Variants in ZNF565 observed in about 807,000 individuals in gnomAD.
ZNF565 encodes the protein zinc finger protein 565.
A neutral mutation model predicts 39.4 loss-of-function variants in ZNF565; 27 were observed. The observed-to-expected ratio is 0.69, with a 90% confidence interval of 0.51 to 0.95. The LOEUF is 0.95. Among genes scored for constraint, ZNF565 ranks in the 40% least tolerant of loss-of-function variants. The pLI is 0.00. For synonymous variants in ZNF565, 185 were observed against 216.6 expected, an observed-to-expected ratio of 0.85 and a Z score of 1.28; for missense variants, 524 against 621.1, an observed-to-expected ratio of 0.84 and a Z score of 1.66.
chr19:36,187,229 T>C (rs1568410833), intron 4 of ZNF565, among the ~76,000 whole-genome samples: 2 of 152,032 alleles, frequency 1.3e-5, no homozygotes, highest in Non-Finnish European at 2.9e-5. Context: ...GAAATCATCA[T>C]TTTGGGTTAA....
intron 1 of ZNF565, chr19:36,238,464 T>C (rs1012415333): frequency 6.0e-6 from 1 of 167,102 alleles, no homozygotes; most frequent in Non-Finnish European, 1.5e-5. Flanking sequence ...AAACATCCAC[T>C]TCTCTTTCAA....
intron 1 of ZNF565, among the ~76,000 whole-genome samples, chr19:36,204,067 G>T (rs981805813): frequency 6.7e-6 from 1 of 148,696 alleles, no homozygotes; most frequent in Admixed American, 6.8e-5. Flanking sequence ...CTTCCACCTC[G>T]GCCTCCCAAG....
intron 1 of ZNF565, among the ~76,000 whole-genome samples, chr19:36,232,539 G>T (rs759498499): frequency 1.3e-5 from 2 of 151,648 alleles, no homozygotes; most frequent in Non-Finnish European, 2.9e-5. Flanking sequence ...GTTTGAGAAC[G>T]CATGAGTTGC....
At chr19:36,210,918 A>G (rs1468550788) in intron 1 of ZNF565, among the ~76,000 whole-genome samples, 1 of 152,126 alleles carries the variant, frequency 6.6e-6, no homozygotes, top group African/African-American at 2.4e-5. Context: ...AATAATAAAA[A>G]TAGTAAATAA....
intron 4 of ZNF565, among the ~76,000 whole-genome samples, chr19:36,189,856 G>C (rs1975461322): frequency 6.6e-6 from 1 of 151,962 alleles, no homozygotes; most frequent in Admixed American, 6.6e-5. Flanking sequence ...TTGAGATGGA[G>C]TCTTGTTCTG....
intron 1 of ZNF565, among the ~76,000 whole-genome samples, chr19:36,229,266 C>T (rs1407084589): frequency 6.6e-6 from 1 of 152,226 alleles, no homozygotes; most frequent in African/African-American, 2.4e-5. Flanking sequence ...GTTGTCTTCT[C>T]ACTCATCTCT....
At chr19:36,205,941 G>A (rs1455026025) in intron 1 of ZNF565, among the ~76,000 whole-genome samples, 3 of 151,456 alleles carry the variant, frequency 2.0e-5, no homozygotes, top group Admixed American at 6.6e-5. Flanking sequence ...CCCTGTCCCA[G>A]TTGATCTCAC....
At chr19:36,208,937 A>T (rs985960721) in intron 1 of ZNF565, among the ~76,000 whole-genome samples, 2 of 152,006 alleles carry the variant, frequency 1.3e-5, no homozygotes, top group Non-Finnish European at 2.9e-5. Flanking sequence ...GACTCAAGAG[A>T]TTCTCCTACC....
Position 36,199,128 on chromosome 19 carries a change from C to T in ZNF565, c.9+2849G>A, listed in dbSNP as rs115822056. On this transcript the variant is annotated intron_variant, in intron 2 of 4. Transcript: ENST00000304116. ...TGTAAAATCTTCAGGGTTTATTATACGCTTGCTAATATTCACATTCCTTCA... is the reference window on the plus strand; with the variant it reads ...TGTAAAATCTTCAGGGTTTATTATATGCTTGCTAATATTCACATTCCTTCA... 4.2e-3 allele frequency among the ~76,000 whole-genome samples: 638 copies of T among 152,258 alleles called. 5 individuals carry two copies. The highest frequency in any genetic ancestry group is 0.014 in the African/African-American group (599 of 41,530).
At chr19:36,201,487 T>C (rs1975963636) in intron 2 of ZNF565, among the ~76,000 whole-genome samples, 1 of 152,038 alleles carries the variant, frequency 6.6e-6, no homozygotes, top group African/African-American at 2.4e-5. Flanking sequence ...TATTTATTTA[T>C]TTATTTAGAC....
chr19:36,241,802 A>AAT (rs1555744552), intron 1 of ZNF565, among the ~76,000 whole-genome samples: 3,227 of 139,486 alleles, frequency 0.023, 78 homozygotes, highest in South Asian at 0.041. Context: ...AAAAAAAAAA[A>AAT]AGCTGGGACA....
At chr19:36,210,105 A>G (rs1976297096) in intron 1 of ZNF565, among the ~76,000 whole-genome samples, 1 of 151,784 alleles carries the variant, frequency 6.6e-6, no homozygotes, top group South Asian at 2.1e-4. Flanking sequence ...TCTACAAAAA[A>G]TCTTAAAATT....
At chr19:36,194,140 G>C in intron 4 of ZNF565, 93 bp downstream of exon 4, 2 of 994,916 alleles carry the variant, frequency 2.0e-6, no homozygotes, top group Non-Finnish European at 3.0e-6. Flanking sequence ...TTCCACAGTA[G>C]GGCTTTGAGG....
upstream of ZNF565, chr19:36,214,799 T>G (rs557358991): frequency 5.2e-5 from 8 of 152,672 alleles, no homozygotes; most frequent in African/African-American, 1.9e-4. Context: ...CGTTTTGACA[T>G]TTTTGCGCCC....
intron 3 of ZNF565, chr19:36,194,607 TA>T (rs371159171): frequency 5.3e-5 from 25 of 471,430 alleles, no homozygotes; most frequent in African/African-American, 4.5e-4. Flanking sequence ...TTATGTGGAG[TA>T]AATGTGTGGT....
At chr19:36,227,707 A>ATTT (rs1977134090) in intron 1 of ZNF565, among the ~76,000 whole-genome samples, 6 of 152,132 alleles carry the variant, frequency 3.9e-5, no homozygotes, top group South Asian at 4.2e-4. Context: ...GGCGCACACC[A>ATTT]TTGCGCCCAG....
At chr19:36,224,452 A>C (rs1187031701) in intron 1 of ZNF565, among the ~76,000 whole-genome samples, 1 of 152,084 alleles carries the variant, frequency 6.6e-6, no homozygotes, top group East Asian at 1.9e-4. Context: ...CTAAATTCTC[A>C]CATTTATTTG....
Position 36,183,405 on chromosome 19 carries a change from TTTC to T in ZNF565, c.558_560del (p.Lys187del). ...CAAAGGGTTTTTCACCAGTGTGAAT[TTTC>T]TGATGTTGAATAAGGTGTGAGCCAC... On this transcript the variant is annotated inframe_deletion, in exon 5 of 5. Transcript: ENST00000304116. 6.2e-7 allele frequency: 1 copy of T among 1,608,358 alleles called. No homozygotes were observed. The highest frequency in any genetic ancestry group is 2.2e-5 in the East Asian group (1 of 44,838).
chr19:36,227,411 T>G (rs1171645669), intron 1 of ZNF565, among the ~76,000 whole-genome samples: 1 of 151,530 alleles, frequency 6.6e-6, no homozygotes, highest in East Asian at 1.9e-4. Context: ...AAAAGATTTT[T>G]TTTTTTCTTT....
Sources: allele counts gnomAD v4.1 joint callset (sites outside exome capture counted in the v4.1 genomes callset), GRCh38; gene constraint gnomAD v4.1.1; transcripts MANE v1.5; gene names NCBI Gene and HGNC (gene_info 2026-07-23, HGNC 2026-07-21).